PCDHGA6: variants seen among roughly 807,000 people sequenced by gnomAD.
PCDHGA6 encodes the protein protocadherin gamma subfamily A, 6.
In PCDHGA6, 41 loss-of-function variants were observed where a neutral mutation model predicts 60.6. The ratio of observed to expected loss-of-function variants is 0.68; its 90% confidence interval spans 0.53 to 0.88. PCDHGA6 has a LOEUF of 0.88. Among genes scored for constraint, PCDHGA6 ranks in the 40% least tolerant of loss-of-function variants. The pLI is 0.00. For missense variants in PCDHGA6, 1,312 were observed against 1,203.0 expected, an observed-to-expected ratio of 1.09 and a Z score of -1.34; for synonymous variants, 594 against 524.4, an observed-to-expected ratio of 1.13 and a Z score of -1.81.
intron 1 of PCDHGA6, among the ~76,000 whole-genome samples, chr5:141,437,886 C>A (rs763669578): frequency 6.6e-6 from 1 of 152,022 alleles, no homozygotes; most frequent in Non-Finnish European, 1.5e-5. Flanking sequence ...TACAGGCACA[C>A]GCCACCACAC....
At chr5:141,453,964 C>T (rs2098778500) in intron 1 of PCDHGA6, among the ~76,000 whole-genome samples, 1 of 152,296 alleles carries the variant, frequency 6.6e-6, no homozygotes, top group Non-Finnish European at 1.5e-5. Context: ...GACAGCAAAG[C>T]ATGTAGTTGT....
At position 141,477,100 on chromosome 5, in the gene PCDHGA6, C is replaced by A. The variant is rs970613825; in HGVS notation, c.2425-17707C>A. On this transcript the variant is annotated intron_variant, in intron 1 of 3. Transcript: ENST00000517434. This position sits in a 1 kb window ranked among gnomAD's most constrained non-coding sequence, Gnocchi z 4.9. ...TTTACATCCAGGCCAAAGACAAGGGCGCCAATCCCGAAGGAGCACATTGCA... is the reference window on the plus strand; with the variant it reads ...TTTACATCCAGGCCAAAGACAAGGGAGCCAATCCCGAAGGAGCACATTGCA... 1 of 1,614,216 alleles carries A rather than the reference C, an allele frequency of 6.2e-7. No homozygotes were observed. Among genetic ancestry groups the A allele is most frequent in the Non-Finnish European group, 8.5e-7 (1 of 1,180,040 alleles).
chr5:141,409,172 G>C (rs574905228), intron 1 of PCDHGA6: 1 of 1,614,006 alleles, frequency 6.2e-7, no homozygotes, highest in Non-Finnish European at 8.5e-7. Context: ...AGCGAAGGAC[G>C]GAGGTGGTCT....
In PCDHGA6 at chr5:141,431,887, T is replaced by C; in HGVS notation, c.2424+55380T>C. The C allele has an allele frequency of 1.2e-6, 2 of 1,614,190 alleles. No individual in the cohort carries two copies. The highest frequency in any genetic ancestry group is 1.7e-6 in the Non-Finnish European group (2 of 1,179,996). ...TTTTAAATGTAAATGACCAAGATTCTGAGGAAAACGGACAGGTGATCTGTT... is the reference window on the plus strand; with the variant it reads ...TTTTAAATGTAAATGACCAAGATTCCGAGGAAAACGGACAGGTGATCTGTT... On this transcript the variant is annotated intron_variant, in intron 1 of 3. Coordinates refer to ENST00000517434, the MANE Select transcript of PCDHGA6 (RefSeq NM_018919.3). The surrounding 1 kb of genome is among the most constrained non-coding windows in gnomAD (Gnocchi z 4.8).
chr5:141,483,442 AATCATCAGGACTTGTTG>A (rs2099581330), intron 1 of PCDHGA6, among the ~76,000 whole-genome samples: 1 of 152,196 alleles, frequency 6.6e-6, no homozygotes, highest in Non-Finnish European at 1.5e-5. Context: ...ACTACAATAA[AATCATCAGGACTTGTTG>A]ATTGACATGA....
intron 1 of PCDHGA6, chr5:141,393,145 A>G (rs2092690678): frequency 6.2e-7 from 1 of 1,613,324 alleles, no homozygotes; most frequent in Non-Finnish European, 8.5e-7. Context: ...ACCCTGGTTG[A>G]GGATAAAGGA....
At position 141,403,043 on chromosome 5, in the gene PCDHGA6, A is replaced by C. The variant is rs779412498; in HGVS notation, c.2424+26536A>C. On this transcript the variant is annotated intron_variant, in intron 1 of 3. Coordinates refer to ENST00000517434, the MANE Select transcript of PCDHGA6 (RefSeq NM_018919.3). ...GCTATGGGAGGCCAGGGCCAGTCAG[A>C]TTCGCTACTCAGTGCCTGAAGAGAC... 21 of 1,614,070 alleles carry C rather than the reference A, an allele frequency of 1.3e-5. No homozygotes were observed. In the South Asian group the frequency reaches 2.3e-4, roughly 18 times the overall value.
chr5:141,478,767 C>T (rs953695562), intron 1 of PCDHGA6: 44 of 1,500,650 alleles, frequency 2.9e-5, no homozygotes, highest in Non-Finnish European at 3.9e-5. Context: ...ATACTTGACT[C>T]ATCTGTGGAC....
At chr5:141,384,649 C>A (rs778822731) in intron 1 of PCDHGA6, 2 of 1,614,232 alleles carry the variant, frequency 1.2e-6, no homozygotes, top group South Asian at 1.1e-5. Flanking sequence ...CTCCGCAGAG[C>A]CCGGCTACCT....
intron 1 of PCDHGA6, chr5:141,419,512 G>T (rs754877872): frequency 3.7e-6 from 6 of 1,612,296 alleles, no homozygotes; most frequent in South Asian, 1.1e-5. Context: ...TGCGCGTGTT[G>T]GTGGGCGACC....
At chr5:141,413,956 G>C in intron 1 of PCDHGA6, 11 of 1,613,484 alleles carry the variant, frequency 6.8e-6, no homozygotes, top group Non-Finnish European at 9.3e-6. Context: ...GAATTTGCCT[G>C]TGGGCACTCA....
At position 141,431,245 on chromosome 5, in the gene PCDHGA6, C is replaced by A. The variant is rs761126985; in HGVS notation, c.2424+54738C>A. The A allele has an allele frequency of 5.0e-6, 8 of 1,614,016 alleles. No individual in the cohort carries two copies. In the Admixed American group the frequency reaches 1.2e-4, roughly 24 times the overall value. On this transcript the variant is annotated intron_variant, in intron 1 of 3. Coordinates refer to ENST00000517434, the MANE Select transcript of PCDHGA6 (RefSeq NM_018919.3). This position sits in a 1 kb window ranked among gnomAD's most constrained non-coding sequence, Gnocchi z 4.8. ...TACCCCACGCCTGGGATCCGGATAT[C>A]GGGAAGAACTCTCTGCAGAGCTACG... is the stretch of plus-strand genomic sequence containing the variant.
intron 1 of PCDHGA6, chr5:141,422,396 A>G (rs767394630): frequency 6.3e-6 from 10 of 1,597,278 alleles, no homozygotes; most frequent in Non-Finnish European, 8.5e-6. Flanking sequence ...ATTCCTAACC[A>G]CCTGCCTTTT....
intron 1 of PCDHGA6, among the ~76,000 whole-genome samples, chr5:141,469,232 A>AC (rs1350524557): frequency 2.0e-5 from 3 of 151,722 alleles, no homozygotes; most frequent in Non-Finnish European, 4.4e-5. Flanking sequence ...AGCCATGATC[A>AC]CCCCACTGCA....
In PCDHGA6 at chr5:141,486,708, C is replaced by A; in HGVS notation, c.2425-8099C>A. On this transcript the variant is annotated intron_variant, in intron 1 of 3. Transcript: ENST00000517434. The surrounding 1 kb of genome is among the most constrained non-coding windows in gnomAD (Gnocchi z 5.0). ...GCTTCCTCTTTCATCTCTCTGAACC[C>A]CCAGACAGGAGCTGTTCATGCTACT... is the stretch of plus-strand genomic sequence containing the variant. 6.2e-7 allele frequency: 1 copy of A among 1,614,180 alleles called. No individual in the cohort carries two copies. Among genetic ancestry groups the A allele is most frequent in the South Asian group, 1.1e-5 (1 of 91,084 alleles).
chr5:141,493,979 C>T lies in PCDHGA6; in HGVS notation c.2425-828C>T, dbSNP rs1273325447. ...GAAGTGGCTGGCCAGAGCCCCACAC[C>T]TTCAGCTAGGTGGGAGATGGCTACA... is the stretch of plus-strand genomic sequence containing the variant. On this transcript the variant is annotated intron_variant, in intron 1 of 3. Coordinates refer to ENST00000517434, the MANE Select transcript of PCDHGA6 (RefSeq NM_018919.3). The surrounding 1 kb of genome is among the most constrained non-coding windows in gnomAD (Gnocchi z 4.3). Among the ~76,000 whole-genome samples, 1 of 152,182 alleles carries T rather than the reference C, an allele frequency of 6.6e-6. No individual in the cohort carries two copies. Among genetic ancestry groups the T allele is most frequent in the Non-Finnish European group, 1.5e-5 (1 of 68,032 alleles).
intron 1 of PCDHGA6, among the ~76,000 whole-genome samples, chr5:141,481,593 G>A (rs575017133): frequency 1.3e-5 from 2 of 152,172 alleles, no homozygotes; most frequent in African/African-American, 2.4e-5. Context: ...TGAGGCCAGC[G>A]GATCACCTGA....
At chr5:141,439,934 G>T (rs1477526863) in intron 1 of PCDHGA6, 2 of 152,382 alleles carry the variant, frequency 1.3e-5, no homozygotes, top group Admixed American at 1.3e-4. Context: ...ATCCTGCTGG[G>T]CATTCTCTAT....
chr5:141,393,078 A>G, intron 1 of PCDHGA6: 1 of 1,613,718 alleles, frequency 6.2e-7, no homozygotes, highest in Non-Finnish European at 8.5e-7. Context: ...CACCGCGGGC[A>G]GGATAGATCG....
Sources: gnomAD v4.1 joint callset for allele counts (sites outside exome capture counted in the v4.1 genomes callset) on GRCh38, gnomAD v4.1.1 for gene constraint, Gnocchi (gnomAD v3.1) non-coding constraint, MANE v1.5 for transcripts, NCBI Gene and HGNC (gene_info 2026-07-23, HGNC 2026-07-21) for gene names.